CMC2: variants seen among roughly 807,000 people sequenced by gnomAD.
The protein encoded by CMC2 is COX assembly mitochondrial protein 2 homolog.
CMC2 carries 5 observed loss-of-function variants against 7.5 expected under a neutral mutation model. The observed-to-expected ratio is 0.66, with a 90% confidence interval of 0.35 to 1.40. CMC2 has a LOEUF of 1.40. CMC2 is among the 40% of genes most tolerant of loss of function. The probability of loss-of-function intolerance (pLI) is 0.04; values close to 1 mark genes in which losing one functional copy is unlikely to be tolerated. For missense variants in CMC2, 115 were observed against 92.3 expected, an observed-to-expected ratio of 1.25 and a Z score of -1.01; for synonymous variants, 37 against 31.4, an observed-to-expected ratio of 1.18 and a Z score of -0.60.
chr16:80,988,794 C>G (rs1227564987), intron 2 of CMC2, among the ~76,000 whole-genome samples: 2 of 97,660 alleles, frequency 2.0e-5, no homozygotes, highest in African/African-American at 5.6e-5. Context: ...TTAGTTGTCA[C>G]GTCTTTTTAG....
In CMC2 at chr16:80,976,101, C is replaced by T. The variant is rs376325635; in HGVS notation, c.232G>A (p.Glu78Lys). Residue 78 changes from glutamate (E) to lysine (K), a missense_variant, in exon 4 of 4, where the codon GAA becomes AAA. Transcript: ENST00000219400. ...KKLFNPPEES[E>K]K ...TCGAGTGAAAATACAATTTATTTTT[C>T]GGATTCCTCTGGAGGATTAAAAAGT... The T allele has an allele frequency of 4.5e-5, 71 of 1,591,490 alleles. No individual in the cohort carries two copies. In the Middle Eastern group the frequency reaches 1.0e-3, roughly 22 times the overall value.
chr16:80,988,313 C>T (rs9930581), intron 2 of CMC2, among the ~76,000 whole-genome samples: 18,959 of 152,026 alleles, frequency 0.12, 1,806 homozygotes, highest in African/African-American at 0.26. Context: ...GCTGAAGTGC[C>T]GGAGTGACAT....
At chr16:80,979,385 T>C (rs1041881505) in intron 3 of CMC2, among the ~76,000 whole-genome samples, 1 of 152,096 alleles carries the variant, frequency 6.6e-6, no homozygotes, top group Admixed American at 6.5e-5. Flanking sequence ...TCCAACGGTC[T>C]ACCAAAAAGT....
chr16:80,979,879 C>G (rs187160987), intron 3 of CMC2, among the ~76,000 whole-genome samples: 161 of 152,244 alleles, frequency 1.1e-3, no homozygotes, highest in African/African-American at 3.7e-3. Context: ...GTCTTGGCCT[C>G]TCAGAATGCT....
chr16:80,995,396 C>CT (rs1968329686), intron 2 of CMC2, among the ~76,000 whole-genome samples: 1 of 152,252 alleles, frequency 6.6e-6, no homozygotes, highest in Non-Finnish European at 1.5e-5. Context: ...TGGCTCATGC[C>CT]TGTAATCCCA....
In CMC2 at chr16:80,967,690, C is replaced by G. The variant is rs1309787891; in HGVS notation, c.*8403G>C. On this transcript the variant is annotated 3_prime_UTR_variant, in exon 4 of 4. Coordinates refer to ENST00000219400, the MANE Select transcript of CMC2 (RefSeq NM_020188.5). ...CAAGTCCAATCATTAGCTCAATAAT[C>G]CAATCATAGCATTTTAGGAAATATG... 3 of 152,186 alleles carry G rather than the reference C, an allele frequency of 2.0e-5. No individual in the cohort carries two copies. Among genetic ancestry groups the G allele is most frequent in the South Asian group, 4.1e-4 (2 of 4,832 alleles). The allele number at this position is 152,186 out of a possible 1,614,324, so 9.4% of individuals were successfully genotyped here. A position where few individuals can be genotyped will look rare whatever the true frequency, so the allele number is the denominator to read the frequency against.
chr16:81,005,704 C>A (rs1053763086), intron 1 of CMC2, among the ~76,000 whole-genome samples: 2 of 152,186 alleles, frequency 1.3e-5, no homozygotes, highest in Non-Finnish European at 2.9e-5. Flanking sequence ...AAGGGCTTAA[C>A]TACTCTGACT....
Position 80,975,193 on chromosome 16 carries a change from G to A in CMC2, c.*900C>T, listed in dbSNP as rs1030362864. ...ATACTCAGCAGAGAGGAGACACACT[G>A]GCCTAAGGTTAATGTCCAGGAGTTA... On this transcript the variant is annotated 3_prime_UTR_variant, in exon 4 of 4. Transcript: ENST00000219400. 2 of 152,234 alleles carry A rather than the reference G, an allele frequency of 1.3e-5. No individual in the cohort carries two copies. The highest frequency in any genetic ancestry group is 2.4e-5 in the African/African-American group (1 of 41,470). The allele number at this position is 152,234 out of a possible 1,614,324, so 9.4% of individuals were successfully genotyped here. A position where few individuals can be genotyped will look rare whatever the true frequency, so the allele number is the denominator to read the frequency against.
rs140972336 is a variant in CMC2 at position 80,976,168 on chromosome 16, G to C, written c.165C>G (p.Asn55Lys). The change falls in exon 4 of 4, where the codon AAC becomes AAG. Residue 55 changes from asparagine (N) to lysine (K), a missense_variant. Coordinates refer to ENST00000219400, the MANE Select transcript of CMC2 (RefSeq NM_020188.5). ...RKCLKNEYVE[N>K]RTKSREHGIA... ...TGCCATGCTCCCTGCTCTTGGTCCT[G>C]TTTTCTACGTACTGAAAAATAAAAG... 1,059 of 1,591,270 alleles carry C rather than the reference G, an allele frequency of 6.7e-4. 1 individual carries two copies. Among genetic ancestry groups the C allele is most frequent in the Non-Finnish European group, 8.8e-4 (1,026 of 1,162,986 alleles).
intron 3 of CMC2, chr16:80,978,195 T>C (rs1291326380): frequency 1.2e-6 from 1 of 841,738 alleles, no homozygotes; most frequent in Non-Finnish European, 1.4e-6. Flanking sequence ...AAACGTATTC[T>C]AGAACAAGGA....
rs1422709027 is a variant in CMC2 at position 80,971,491 on chromosome 16, C to T, written c.*4602G>A. ...GTACGCTACCAAAGGCTACACACATCATGACGCCTCCTAAGTAAAATGACT... is the reference window on the plus strand; with the variant it reads ...GTACGCTACCAAAGGCTACACACATTATGACGCCTCCTAAGTAAAATGACT... On this transcript the variant is annotated 3_prime_UTR_variant, in exon 4 of 4. Transcript: ENST00000219400. 7.0e-6 allele frequency: 1 copy of T among 143,178 alleles called. No individual in the cohort carries two copies. 8.9% of individuals were successfully genotyped at this position (143,178 alleles called of 1,614,324 possible). A position where few individuals can be genotyped will look rare whatever the true frequency, so the allele number is the denominator to read the frequency against.
chr16:80,994,997 T>A (rs1310498862), intron 2 of CMC2, among the ~76,000 whole-genome samples: 1 of 151,486 alleles, frequency 6.6e-6, no homozygotes, highest in Non-Finnish European at 1.5e-5. Context: ...TATACAAAAA[T>A]GAGCCAGGTG....
intron 2 of CMC2, among the ~76,000 whole-genome samples, chr16:80,985,722 C>T (rs1967465587): frequency 6.6e-6 from 1 of 151,886 alleles, no homozygotes; most frequent in South Asian, 2.1e-4. Flanking sequence ...AGAGTGACTG[C>T]ACCAGGAGAA....
chr16:80,987,383 G>C (rs909718170), intron 2 of CMC2, among the ~76,000 whole-genome samples: 2 of 151,904 alleles, frequency 1.3e-5, no homozygotes, highest in East Asian at 3.9e-4. Context: ...TTGAACAAAA[G>C]GTAATTTTTG....
chr16:81,006,122 T>G (rs1229756703), intron 1 of CMC2, among the ~76,000 whole-genome samples: 3 of 152,172 alleles, frequency 2.0e-5, no homozygotes, highest in South Asian at 4.1e-4. Context: ...ACTGATTTAC[T>G]TAAGACTCTA....
intron 2 of CMC2, chr16:80,991,771 G>A (rs528832707): frequency 8.9e-6 from 3 of 335,718 alleles, no homozygotes; most frequent in South Asian, 2.4e-5. Context: ...GTCTTCATCC[G>A]AAAACACATG....
chr16:80,966,830 GAC>G lies in CMC2; in HGVS notation c.*9261_*9262del, dbSNP rs1246197350. On this transcript the variant is annotated 3_prime_UTR_variant, in exon 4 of 4. Coordinates refer to ENST00000219400, the MANE Select transcript of CMC2 (RefSeq NM_020188.5). ...TAATCACCATATAGTCATACATACAGACACACGAAATCTTCATTCCTTTGTAT... is the reference window on the plus strand; with the variant it reads ...TAATCACCATATAGTCATACATACAGACACGAAATCTTCATTCCTTTGTAT... The G allele has an allele frequency of 1.3e-5, 2 of 152,068 alleles. No individual in the cohort carries two copies. The highest frequency in any genetic ancestry group is 4.8e-5 in the African/African-American group (2 of 41,400). 9.4% of individuals were successfully genotyped at this position (152,068 alleles called of 1,614,324 possible). A position where few individuals can be genotyped will look rare whatever the true frequency, so the allele number is the denominator to read the frequency against.
chr16:81,002,874 G>A (rs1968975492), intron 1 of CMC2, among the ~76,000 whole-genome samples: 1 of 152,086 alleles, frequency 6.6e-6, no homozygotes, highest in African/African-American at 2.4e-5. Flanking sequence ...AGAATAAAAT[G>A]GTTTAATTTC....
chr16:81,000,713 G>C (rs935835339), intron 1 of CMC2, among the ~76,000 whole-genome samples: 2 of 152,272 alleles, frequency 1.3e-5, no homozygotes, highest in Non-Finnish European at 2.9e-5. Context: ...GCTGGGGGAG[G>C]TTGTGAGAAA....
Sources: gnomAD v4.1 joint callset for allele counts (sites outside exome capture counted in the v4.1 genomes callset) on GRCh38, gnomAD v4.1.1 for gene constraint, MANE v1.5 for transcripts, NCBI Gene and HGNC (gene_info 2026-07-23, HGNC 2026-07-21) for gene names.